The following IMMP2L variants were observed in gnomAD, a reference collection of about 807,000 sequenced individuals.
IMMP2L encodes the protein mitochondrial inner membrane protease subunit 2.
Under a neutral mutation model 19.3 loss-of-function variants are expected in IMMP2L, and 18 were observed. The observed-to-expected ratio is 0.93, with a 90% CI of 0.64 to 1.38. The LOEUF (loss-of-function observed/expected upper bound fraction) is 1.38, where lower values mean the gene tolerates loss of function less well. Ranked by LOEUF, IMMP2L falls within the 40% of genes most tolerant of loss-of-function variation. The probability of loss-of-function intolerance (pLI) is 0.00; values close to 1 mark genes in which losing one functional copy is unlikely to be tolerated. For missense variants in IMMP2L, 233 were observed against 218.2 expected (o/e 1.07, Z -0.43); for synonymous variants, 76 against 73.0 (o/e 1.04, Z -0.21).
At chr7:110,665,322 T>C (rs536978255) in intron 5 of IMMP2L, among the ~76,000 whole-genome samples, 1 of 152,318 alleles carries the variant, frequency 6.6e-6, no homozygotes, top group South Asian at 2.1e-4. Context: ...CTAAACTGTT[T>C]GATAGTTGTT....
chr7:111,536,360 T>C (rs1847888696), intron 1 of IMMP2L, among the ~76,000 whole-genome samples: 1 of 151,582 alleles, frequency 6.6e-6, no homozygotes, highest in Non-Finnish European at 1.5e-5. Context: ...CACGCTGGAG[T>C]GCAGTGGCAT....
chr7:111,421,390 C>T (rs1445360887), intron 3 of IMMP2L, among the ~76,000 whole-genome samples: 1 of 150,794 alleles, frequency 6.6e-6, no homozygotes, highest in Non-Finnish European at 1.5e-5. Flanking sequence ...CTGCCTCAGC[C>T]TCCCGAGTAG....
In IMMP2L at chr7:111,080,219, C is replaced by T. The variant is rs1334625312; in HGVS notation, c.240-116654G>A. Among the ~76,000 whole-genome samples the T allele has an allele frequency of 2.6e-5, 4 of 152,238 alleles. No individual in the cohort carries two copies. The East Asian group carries it at 7.7e-4, about 29-fold the overall frequency. Reference sequence around the variant, plus strand: ...CAGTGGACTGCAGATCTTATTGCTGCAGGCAGAAACAGAATTATAATGAAT... The same window carrying T: ...CAGTGGACTGCAGATCTTATTGCTGTAGGCAGAAACAGAATTATAATGAAT... On this transcript the variant is annotated intron_variant, in intron 3 of 5. Coordinates refer to ENST00000405709, the MANE Select transcript of IMMP2L (RefSeq NM_032549.4).
At chr7:110,916,063 T>A (rs1813578543) in intron 4 of IMMP2L, among the ~76,000 whole-genome samples, 1 of 152,204 alleles carries the variant, frequency 6.6e-6, no homozygotes, top group Non-Finnish European at 1.5e-5. Context: ...AATGGCCACA[T>A]CTACATCCTT....
chr7:111,509,567 TA>T (rs1845255935), intron 2 of IMMP2L, among the ~76,000 whole-genome samples: 2 of 152,178 alleles, frequency 1.3e-5, no homozygotes, highest in Non-Finnish European at 2.9e-5. Context: ...ATCAATTTAA[TA>T]GGTTATGACC....
At chr7:111,094,668 C>A (rs1442015442) in intron 3 of IMMP2L, among the ~76,000 whole-genome samples, 1 of 152,152 alleles carries the variant, frequency 6.6e-6, no homozygotes, top group Non-Finnish European at 1.5e-5. Flanking sequence ...AACAACTGAA[C>A]ATAGCTCCTG....
chr7:110,749,672 C>T (rs979467816), intron 5 of IMMP2L, among the ~76,000 whole-genome samples: 3 of 152,070 alleles, frequency 2.0e-5, no homozygotes, highest in South Asian at 2.1e-4. Context: ...TGCATGTTCT[C>T]ACTCATAAGT....
rs1436603434 is a variant in IMMP2L, at chr7:111,268,569, C to T, written c.239+218669G>A. 9.9e-4 allele frequency among the ~76,000 whole-genome samples: 44 copies of T among 44,582 alleles called. 1 individual carries two copies. The highest frequency in any genetic ancestry group is 6.0e-3 in the East Asian group (8 of 1,324). The allele number at this position is 44,582 out of a possible 152,430, so 29.2% of individuals were successfully genotyped here. A position where few individuals can be genotyped will look rare whatever the true frequency, so the allele number is the denominator to read the frequency against. On this transcript the variant is annotated intron_variant, in intron 3 of 5. Transcript: ENST00000405709. ...GATATGAGTTAAACTTCACATTTCT[C>T]TTTTTTTTTTTTTTTTTTTTTTTTT... is the stretch of plus-strand genomic sequence containing the variant.
intron 3 of IMMP2L, among the ~76,000 whole-genome samples, chr7:111,089,691 T>C (rs1241886416): frequency 6.6e-6 from 1 of 152,052 alleles, no homozygotes; most frequent in Non-Finnish European, 1.5e-5. Context: ...TAATAAAACC[T>C]TACAATAATA....
intron 3 of IMMP2L, among the ~76,000 whole-genome samples, chr7:111,270,999 C>T (rs1562990908): frequency 6.6e-6 from 1 of 152,136 alleles, no homozygotes; most frequent in Non-Finnish European, 1.5e-5. Context: ...TGTGTCCCCA[C>T]CCAAATCTCA....
At chr7:111,421,129 G>A (rs2131600310) in intron 3 of IMMP2L, among the ~76,000 whole-genome samples, 1 of 151,774 alleles carries the variant, frequency 6.6e-6, no homozygotes, top group South Asian at 2.1e-4. Context: ...ATCTCATTGT[G>A]GTTTTGATTT....
At chr7:110,730,888 T>C (rs938294264) in intron 5 of IMMP2L, among the ~76,000 whole-genome samples, 2 of 152,214 alleles carry the variant, frequency 1.3e-5, no homozygotes, top group African/African-American at 4.8e-5. Flanking sequence ...CTTGTGATCG[T>C]GTGAGTCAAT....
intron 3 of IMMP2L, among the ~76,000 whole-genome samples, chr7:111,120,642 T>C (rs1383845596): frequency 6.6e-6 from 1 of 152,182 alleles, no homozygotes; most frequent in African/African-American, 2.4e-5. Flanking sequence ...CAAATGTTAA[T>C]CTTGTGAACT....
chr7:110,719,103 T>A (rs1007839181), intron 5 of IMMP2L, among the ~76,000 whole-genome samples: 2 of 152,192 alleles, frequency 1.3e-5, no homozygotes, highest in Non-Finnish European at 2.9e-5. Context: ...GGGTGATTAA[T>A]GATGTAGCTC....
intron 5 of IMMP2L, among the ~76,000 whole-genome samples, chr7:110,798,245 C>T (rs1800995084): frequency 6.6e-6 from 1 of 152,048 alleles, no homozygotes; most frequent in Non-Finnish European, 1.5e-5. Context: ...TAAAATTCAT[C>T]TTATTTCAAA....
At chr7:111,404,159 A>G (rs990173208) in intron 3 of IMMP2L, among the ~76,000 whole-genome samples, 1 of 152,124 alleles carries the variant, frequency 6.6e-6, no homozygotes, top group Non-Finnish European at 1.5e-5. Flanking sequence ...TTTTTTATAT[A>G]TTTTGGAGTA....
In IMMP2L at chr7:111,238,192, T is replaced by A. The variant is rs377305001; in HGVS notation, c.239+249046A>T. Among the ~76,000 whole-genome samples, 18 of 151,980 alleles carry A rather than the reference T, an allele frequency of 1.2e-4. No homozygotes were observed. The East Asian group carries it at 2.9e-3, about 25-fold the overall frequency. On this transcript the variant is annotated intron_variant, in intron 3 of 5. Transcript: ENST00000405709. ...CAAGTAAGGACACATAAAGTTGGAG[T>A]AATCAGAAAACAATCCTGTACCATA...
At chr7:111,549,958 CAT>C (rs1849297590) in intron 1 of IMMP2L, among the ~76,000 whole-genome samples, 4 of 143,598 alleles carry the variant, frequency 2.8e-5, no homozygotes, top group Admixed American at 1.4e-4. Flanking sequence ...AAAAAAAAAA[CAT>C]AGTGAGACTC....
chr7:111,551,715 C>T (rs1849483507), intron 1 of IMMP2L, among the ~76,000 whole-genome samples: 2 of 152,090 alleles, frequency 1.3e-5, no homozygotes, highest in South Asian at 2.1e-4. Flanking sequence ...CAGCAAAATA[C>T]AACCTTCTTC....
Sources: gnomAD v4.1 joint callset for allele counts (sites outside exome capture counted in the v4.1 genomes callset) on GRCh38, gnomAD v4.1.1 for gene constraint, MANE v1.5 for transcripts, NCBI Gene and HGNC (gene_info 2026-07-23, HGNC 2026-07-21) for gene names.